Variants in IRAK2 observed in about 807,000 individuals in gnomAD.
The protein encoded by IRAK2 is interleukin-1 receptor-associated kinase-like 2.
IRAK2 carries 57 observed loss-of-function variants against 72.0 expected under a neutral mutation model. The observed-to-expected ratio is 0.79, with a 90% CI of 0.64 to 0.99. The LOEUF is 0.99. IRAK2 is among the 50% of genes least tolerant of loss of function. The pLI, the probability that IRAK2 is intolerant of heterozygous loss-of-function variation, is 0.00. For missense variants in IRAK2, 790 were observed against 794.4 expected (o/e 0.99, Z 0.07); for synonymous variants, 293 against 312.7 (o/e 0.94, Z 0.67).
Position 10,238,917 on chromosome 3 carries a change from G to A in IRAK2, c.1643G>A (p.Trp548Ter), listed in dbSNP as rs1015309690. The A allele has an allele frequency of 8.7e-6, 14 of 1,614,050 alleles. No homozygotes were observed. Among genetic ancestry groups the A allele is most frequent in the Non-Finnish European group, 1.0e-5 (12 of 1,179,984 alleles). ...DASSSMSVAP[W>*]AGAATPLLPT... ...TCCTCCTCCATGAGTGTGGCACCCTGGGCAGGGGCTGCCACCCCACTTCTC... is the reference window on the plus strand; with the variant it reads ...TCCTCCTCCATGAGTGTGGCACCCTAGGCAGGGGCTGCCACCCCACTTCTC... The change falls in exon 12 of 13, where the codon TGG becomes TAG. Residue 548 changes from tryptophan (W) to a stop codon, truncating the protein, a stop_gained. Transcript: ENST00000256458. LOFTEE classifies it high-confidence loss of function.
chr3:10,190,759 T>C (rs1697162674), intron 2 of IRAK2, among the ~76,000 whole-genome samples: 1 of 152,212 alleles, frequency 6.6e-6, no homozygotes, highest in Non-Finnish European at 1.5e-5. Flanking sequence ...CAGGATAGGC[T>C]TGGTTATGCT....
At chr3:10,207,992 CAA>C (rs35298616) in intron 3 of IRAK2, among the ~76,000 whole-genome samples, 28 of 94,980 alleles carry the variant, frequency 2.9e-4, no homozygotes, top group African/African-American at 5.9e-4. Flanking sequence ...ACTCTGTTTC[CAA>C]AAAAAAAAAA....
chr3:10,184,973 C>T (rs1483306182), intron 2 of IRAK2, among the ~76,000 whole-genome samples: 4 of 150,696 alleles, frequency 2.7e-5, no homozygotes, highest in East Asian at 2.0e-4. Flanking sequence ...CCTCGTGATC[C>T]GCCCGCCTTG....
At chr3:10,210,711 G>T (rs1009853729) in intron 4 of IRAK2, among the ~76,000 whole-genome samples, 1 of 152,002 alleles carries the variant, frequency 6.6e-6, no homozygotes, top group South Asian at 2.1e-4. Flanking sequence ...ACACAGGGAG[G>T]CCCCATCTCT....
intron 9 of IRAK2, among the ~76,000 whole-genome samples, chr3:10,224,245 G>A (rs770649140): frequency 6.6e-6 from 1 of 151,626 alleles, no homozygotes; most frequent in Non-Finnish European, 1.5e-5. Flanking sequence ...GCTGAGTCAG[G>A]AGAATCACTT....
chr3:10,176,904 G>A (rs1425850800), intron 1 of IRAK2, among the ~76,000 whole-genome samples: 5 of 150,826 alleles, frequency 3.3e-5, no homozygotes, highest in Admixed American at 1.3e-4. Context: ...CCAGGTTCAC[G>A]CCATTCTCTT....
chr3:10,242,081 C>T (rs1483865557), intron 12 of IRAK2, 35 bp from the exon 13 acceptor site: 2 of 1,214,656 alleles, frequency 1.6e-6, no homozygotes, highest in Middle Eastern at 1.9e-4. Flanking sequence ...AACTTTCATT[C>T]AAGTCGCTCT....
chr3:10,168,703 C>T (rs1416191114), intron 1 of IRAK2, among the ~76,000 whole-genome samples: 1 of 152,164 alleles, frequency 6.6e-6, no homozygotes, highest in African/African-American at 2.4e-5. Flanking sequence ...AACACCTTGC[C>T]AGGCATGTTG....
rs1453400271 is a variant in IRAK2 at position 10,171,754 on chromosome 3, G to A, written c.95-6084G>A. ...CAAAGTGTTTGGATTACAGGCGTGA[G>A]CCACTGCACCCAGCCTTTTTTTTTT... On this transcript the variant is annotated intron_variant, in intron 1 of 12. Transcript: ENST00000256458. Among the ~76,000 whole-genome samples, 2 of 144,920 alleles carry A rather than the reference G, an allele frequency of 1.4e-5. 1 individual carries two copies. The highest frequency in any genetic ancestry group is 3.0e-5 in the Non-Finnish European group (2 of 66,778).
intron 8 of IRAK2, among the ~76,000 whole-genome samples, chr3:10,221,313 G>C (rs1471865565): frequency 3.4e-5 from 5 of 145,398 alleles, no homozygotes; most frequent in Non-Finnish European, 6.0e-5. Flanking sequence ...GAGTGCAGTG[G>C]CACAATCTCT....
chr3:10,174,388 C>T (rs1042360434), intron 1 of IRAK2, among the ~76,000 whole-genome samples: 2 of 152,138 alleles, frequency 1.3e-5, no homozygotes, highest in African/African-American at 2.4e-5. Context: ...TCTGTGGTCC[C>T]TTGTAACTCT....
intron 4 of IRAK2, among the ~76,000 whole-genome samples, chr3:10,210,224 A>T (rs1697497839): frequency 6.6e-6 from 1 of 151,402 alleles, no homozygotes; most frequent in Admixed American, 6.6e-5. Context: ...CCCGGCCATT[A>T]TTTTCTTTTA....
rs56893916 is a variant in IRAK2, at chr3:10,218,423, C to CAAA, written c.904-1237_904-1235dup. 8.9e-3 allele frequency among the ~76,000 whole-genome samples: 428 copies of CAAA among 47,914 alleles called. 7 individuals are homozygous for CAAA. Among genetic ancestry groups the CAAA allele is most frequent in the East Asian group, 0.025 (44 of 1,778 alleles). 31.4% of individuals were successfully genotyped at this position (47,914 alleles called of 152,430 possible). On this transcript the variant is annotated intron_variant, in intron 7 of 12. Coordinates refer to ENST00000256458, the MANE Select transcript of IRAK2 (RefSeq NM_001570.4). ...TGGGCGACAAAGTGAGACTCCGTCT[C>CAAA]AAAAAAAAAAAAAAAAAAAAAACCA... is the stretch of plus-strand genomic sequence containing the variant.
chr3:10,213,357 G>A lies in IRAK2; in HGVS notation c.679G>A (p.Gly227Arg). 1 of 1,614,138 alleles carries A rather than the reference G, an allele frequency of 6.2e-7. No homozygotes were observed. Among genetic ancestry groups the A allele is most frequent in the Non-Finnish European group, 8.5e-7 (1 of 1,180,032 alleles). ...SQGTFADVYR[G>R]HRHGKPFVFK... ...GGGGACCTTTGCTGACGTCTACAGA[G>A]GGCACAGGCACGGGAAGCCATTCGT... Residue 227 changes from glycine (G) to arginine (R), a missense_variant, in exon 5 of 13, where the codon GGG (glycine) becomes AGG (arginine). Gly to Arg is a moderately radical substitution (Grantham distance 125, BLOSUM62 -2). Coordinates refer to ENST00000256458, the MANE Select transcript of IRAK2 (RefSeq NM_001570.4).
intron 2 of IRAK2, among the ~76,000 whole-genome samples, chr3:10,181,262 T>G (rs561441588): frequency 6.6e-6 from 1 of 152,018 alleles, no homozygotes; most frequent in Non-Finnish European, 1.5e-5. Context: ...TCTCCTTACA[T>G]TCCCCCTGCG....
intron 4 of IRAK2, among the ~76,000 whole-genome samples, chr3:10,211,886 G>A (rs1697527353): frequency 2.0e-5 from 3 of 151,962 alleles, no homozygotes; most frequent in Admixed American, 2.0e-4. Flanking sequence ...GACCATCCTG[G>A]CTAACACGGT....
At chr3:10,231,318 G>C (rs146833930) in intron 10 of IRAK2, among the ~76,000 whole-genome samples, 6 of 151,796 alleles carry the variant, frequency 4.0e-5, no homozygotes, top group Admixed American at 6.6e-5. Context: ...TTGAAATGGA[G>C]TCTCCCTCTG....
At chr3:10,228,006 C>T (rs9917753) in intron 10 of IRAK2, among the ~76,000 whole-genome samples, 9,658 of 151,830 alleles carry the variant, frequency 0.064, 783 homozygotes, top group African/African-American at 0.19. Flanking sequence ...TCCAACCATA[C>T]GAATTCAGTA....
chr3:10,168,988 G>A (rs1333387905), intron 1 of IRAK2, among the ~76,000 whole-genome samples: 2 of 152,150 alleles, frequency 1.3e-5, no homozygotes, highest in Non-Finnish European at 2.9e-5. Flanking sequence ...TTCCCTAAGT[G>A]TCGGCCGGTC....
Sources: allele counts gnomAD v4.1 joint callset (sites outside exome capture counted in the v4.1 genomes callset), GRCh38; gene constraint gnomAD v4.1.1; transcripts MANE v1.5; gene names NCBI Gene and HGNC (gene_info 2026-07-23, HGNC 2026-07-21).